The following IQSEC1 variants were observed in gnomAD, a reference collection of about 807,000 sequenced individuals.
IQSEC1 encodes IQ motif and SEC7 domain-containing protein 1.
IQSEC1 carries 31 observed loss-of-function variants against 91.0 expected under a neutral mutation model. The observed-to-expected ratio is 0.34, with a 90% CI of 0.26 to 0.46. The LOEUF (loss-of-function observed/expected upper bound fraction) is 0.46, where lower values mean the gene tolerates loss of function less well. IQSEC1 is among the 20% of genes least tolerant of loss of function. The probability of loss-of-function intolerance (pLI) is 1.00; values close to 1 mark genes in which losing one functional copy is unlikely to be tolerated. For missense variants in IQSEC1, 1,388 were observed against 1,575.6 expected (o/e 0.88, Z 2.02); for synonymous variants, 699 against 662.6 (o/e 1.05, Z -0.84).
intron 1 of IQSEC1, among the ~76,000 whole-genome samples, chr3:13,023,200 G>C (rs535587472): frequency 2.0e-5 from 3 of 152,166 alleles, no homozygotes; most frequent in Non-Finnish European, 4.4e-5. Flanking sequence ...GGGATGGAGT[G>C]GGGTGGGATG....
chr3:12,964,420 T>G (rs1321442744), intron 1 of IQSEC1, among the ~76,000 whole-genome samples: 1 of 152,180 alleles, frequency 6.6e-6, no homozygotes, highest in Non-Finnish European at 1.5e-5. Context: ...TGGGCGGATA[T>G]TCCACATGTC....
chr3:12,998,620 TA>T (rs1553674743), intron 1 of IQSEC1, among the ~76,000 whole-genome samples: 3 of 151,972 alleles, frequency 2.0e-5, no homozygotes, highest in South Asian at 4.1e-4. Context: ...GGGTCCCTCT[TA>T]AAAAAATTTT....
intron 1 of IQSEC1, among the ~76,000 whole-genome samples, chr3:12,955,241 C>T (rs1229610627): frequency 1.3e-5 from 2 of 152,262 alleles, no homozygotes; most frequent in East Asian, 3.8e-4. Context: ...CCAAGATCAG[C>T]CCCACCCCTT....
Position 12,899,464 on chromosome 3 carries a change from G to A in IQSEC1, c.*1519C>T, listed in dbSNP as rs1471523315. 1 of 1,602,382 alleles carries A rather than the reference G, an allele frequency of 6.2e-7. No homozygotes were observed. The highest frequency in any genetic ancestry group is 1.1e-5 in the South Asian group (1 of 89,492). ...AAAGTATGGCCCGTGGGTGACTCGG[G>A]CACAGACCTGCCGCGTGCAGGTCTG... On this transcript the variant is annotated 3_prime_UTR_variant, in exon 14 of 14. Coordinates refer to ENST00000613206, the MANE Select transcript of IQSEC1 (RefSeq NM_001134382.3).
chr3:13,036,625 A>G (rs991703767), intron 1 of IQSEC1, among the ~76,000 whole-genome samples: 3 of 152,116 alleles, frequency 2.0e-5, no homozygotes, highest in African/African-American at 4.8e-5. Flanking sequence ...GGCCCAGGGC[A>G]TCAGCGGTGT....
intron 1 of IQSEC1, among the ~76,000 whole-genome samples, chr3:13,004,995 CCAAA>C (rs1404991442): frequency 3.9e-5 from 6 of 152,276 alleles, no homozygotes; most frequent in Non-Finnish European, 4.4e-5. Flanking sequence ...TGCTGGTAGA[CCAAA>C]CAAATACTAT....
intron 1 of IQSEC1, among the ~76,000 whole-genome samples, chr3:13,246,265 C>T (rs796114030): frequency 3.1e-4 from 47 of 152,204 alleles, no homozygotes; most frequent in African/African-American, 9.9e-4. Flanking sequence ...CACCAAAGGC[C>T]GAGAACAGCA....
chr3:12,911,553 G>T, intron 10 of IQSEC1, 76 bp downstream of exon 10: 1 of 1,153,320 alleles, frequency 8.7e-7, no homozygotes, highest in Non-Finnish European at 1.3e-6. Flanking sequence ...CCGCGGTTCT[G>T]TCCTCGAAGC....
chr3:13,066,169 C>T (rs1433039688), intron 1 of IQSEC1, among the ~76,000 whole-genome samples: 1 of 152,192 alleles, frequency 6.6e-6, no homozygotes, highest in African/African-American at 2.4e-5. Context: ...CTGCACGGCA[C>T]TGTGAATGCA....
intron 1 of IQSEC1, among the ~76,000 whole-genome samples, chr3:12,949,305 G>T (rs1322909425): frequency 1.3e-5 from 2 of 152,234 alleles, no homozygotes; most frequent in African/African-American, 4.8e-5. Flanking sequence ...GCCTAGCCAC[G>T]TGTGGCCAGA....
In IQSEC1 at chr3:13,009,778, G is replaced by A. The variant is rs1052692857; in HGVS notation, c.23+63214C>T. On this transcript the variant is annotated intron_variant, in intron 1 of 13. Transcript: ENST00000613206. ...TGAAGCTGACAGTGCGTTGAGAGCCGGGCTTTAGCACACCACAGCTCTATG... is the reference window on the plus strand; with the variant it reads ...TGAAGCTGACAGTGCGTTGAGAGCCAGGCTTTAGCACACCACAGCTCTATG... Among the ~76,000 whole-genome samples, 13 of 150,846 alleles carry A rather than the reference G, an allele frequency of 8.6e-5. No individual in the cohort carries two copies. The South Asian group carries it at 2.3e-3, about 27-fold the overall frequency.
intron 1 of IQSEC1, among the ~76,000 whole-genome samples, chr3:13,281,743 A>G (rs1032851696): frequency 6.6e-6 from 1 of 152,278 alleles, no homozygotes; most frequent in African/African-American, 2.4e-5. Flanking sequence ...CAGCAGGAAG[A>G]CTGTCCTGAA....
At chr3:13,058,021 C>T (rs1339625614) in intron 1 of IQSEC1, among the ~76,000 whole-genome samples, 1 of 152,338 alleles carries the variant, frequency 6.6e-6, no homozygotes. Context: ...ACCTATAATC[C>T]CCATACTTTG....
At chr3:13,239,467 G>A in intron 1 of IQSEC1, among the ~76,000 whole-genome samples, 1 of 152,262 alleles carries the variant, frequency 6.6e-6, no homozygotes, top group Non-Finnish European at 1.5e-5. Flanking sequence ...GCGGACACAG[G>A]AGACAGAAAG....
intron 1 of IQSEC1, among the ~76,000 whole-genome samples, chr3:13,274,442 C>T (rs763511623): frequency 2.0e-4 from 31 of 152,364 alleles, no homozygotes; most frequent in African/African-American, 6.3e-4. Context: ...GCGGTTCCCA[C>T]GGAGGGGGCG....
chr3:13,215,168 G>A (rs966201161), intron 1 of IQSEC1, among the ~76,000 whole-genome samples: 1 of 152,088 alleles, frequency 6.6e-6, no homozygotes, highest in African/African-American at 2.4e-5. Flanking sequence ...CAAGACAGGA[G>A]CATGGAGGAA....
intron 1 of IQSEC1, chr3:13,053,167 AAG>A: frequency 1.3e-6 from 1 of 750,132 alleles, no homozygotes; most frequent in Admixed American, 1.8e-5. Flanking sequence ...TGGAGAAAGG[AAG>A]AGAGGGGACT....
intron 1 of IQSEC1, among the ~76,000 whole-genome samples, chr3:13,218,293 A>AT (rs1694588433): frequency 6.6e-6 from 1 of 152,168 alleles, no homozygotes; most frequent in Non-Finnish European, 1.5e-5. Context: ...AGTTGGGATC[A>AT]TTTTTTAATC....
intron 12 of IQSEC1, among the ~76,000 whole-genome samples, chr3:12,904,916 G>C (rs79631519): frequency 0.013 from 2,037 of 152,302 alleles, 56 homozygotes; most frequent in African/African-American, 0.047. Context: ...CAACTTGGGT[G>C]AACACTTAGG....
Sources: allele counts gnomAD v4.1 joint callset (sites outside exome capture counted in the v4.1 genomes callset), GRCh38; gene constraint gnomAD v4.1.1; transcripts MANE v1.5; gene names NCBI Gene and HGNC (gene_info 2026-07-23, HGNC 2026-07-21).